CASK: variants seen among roughly 807,000 people sequenced by gnomAD.
The protein encoded by CASK is peripheral plasma membrane protein CASK.
A neutral mutation model predicts 82.9 loss-of-function variants in CASK; 4 were observed. That is an observed-to-expected ratio of 0.05 (90% CI 0.02 to 0.11). The LOEUF (loss-of-function observed/expected upper bound fraction) is 0.11. Ranked by LOEUF, CASK falls within the 10% of genes least tolerant of loss-of-function variation. CASK has a pLI of 1.00. For missense variants in CASK, 358 were observed against 720.9 expected (o/e 0.50, Z 5.76); for synonymous variants, 259 against 253.5 (o/e 1.02, Z -0.20).
At chrX:41,706,687 T>G (rs1191891449) in intron 5 of CASK, among the ~76,000 whole-genome samples, 1 of 111,942 alleles carries the variant, frequency 8.9e-6, no homozygotes, top group East Asian at 2.8e-4. Context: ...AGTCCCACTC[T>G]GTCACCTAGG....
chrX:41,737,115 C>T (rs894614112), intron 5 of CASK, among the ~76,000 whole-genome samples: 1 of 112,047 alleles, frequency 8.9e-6, no homozygotes, highest in Non-Finnish European at 1.9e-5. Flanking sequence ...GGAGGCCTAG[C>T]ACCTTCCATT....
intron 5 of CASK, chrX:41,689,833 T>C (rs1239422014): frequency 8.9e-6 from 1 of 111,803 alleles, no homozygotes; most frequent in African/African-American, 3.2e-5. Flanking sequence ...TATTACCAAA[T>C]AGGTATGTAT....
At chrX:41,867,529 AT>A (rs759409483) in intron 1 of CASK, among the ~76,000 whole-genome samples, 1 of 112,635 alleles carries the variant, frequency 8.9e-6, no homozygotes, top group South Asian at 3.6e-4. Context: ...CATGTTAACT[AT>A]TTTTTAAACA....
intron 2 of CASK, among the ~76,000 whole-genome samples, chrX:41,796,995 C>G (rs896357362): frequency 9.0e-5 from 10 of 111,539 alleles, no homozygotes; most frequent in African/African-American, 3.3e-4. Flanking sequence ...TTCCATACAG[C>G]AAGACATTAT....
intron 1 of CASK, among the ~76,000 whole-genome samples, chrX:41,920,500 A>T (rs1265965979): frequency 4.5e-5 from 5 of 112,063 alleles, no homozygotes; most frequent in Non-Finnish European, 5.6e-5. Context: ...GCATTTTATA[A>T]TTGGCACTGA....
intron 2 of CASK, among the ~76,000 whole-genome samples, chrX:41,840,483 T>G (rs2071013554): frequency 1.8e-5 from 2 of 112,318 alleles, no homozygotes; most frequent in African/African-American, 6.5e-5. Context: ...TTGTTGTTGA[T>G]TCTTTGGGAC....
At chrX:41,867,583 A>G (rs2071616108) in intron 1 of CASK, among the ~76,000 whole-genome samples, 2 of 112,641 alleles carry the variant, frequency 1.8e-5, no homozygotes, top group African/African-American at 6.4e-5. Context: ...TTGATTGCTA[A>G]TTCAAAATCC....
At chrX:41,638,798 T>C (rs2066600447) in intron 8 of CASK, among the ~76,000 whole-genome samples, 1 of 110,843 alleles carries the variant, frequency 9.0e-6, no homozygotes, top group Admixed American at 9.7e-5. Context: ...GCCTTTGGCT[T>C]TTATTCTGAG....
chrX:41,656,448 AT>A (rs1163381422), intron 8 of CASK, among the ~76,000 whole-genome samples: 1 of 112,106 alleles, frequency 8.9e-6, no homozygotes, highest in East Asian at 2.8e-4. Flanking sequence ...AACAGAAGAT[AT>A]TGCACATATT....
At chrX:41,774,690 T>C (rs1399565416) in intron 3 of CASK, among the ~76,000 whole-genome samples, 1 of 110,060 alleles carries the variant, frequency 9.1e-6, no homozygotes, top group Non-Finnish European at 1.9e-5. Context: ...AACAGAGATA[T>C]AGATCAATGG....
chrX:41,585,796 C>CAT (rs1484194387), intron 14 of CASK: 2 of 108,175 alleles, frequency 1.8e-5, no homozygotes, highest in African/African-American at 6.7e-5. Context: ...CATAAAACAG[C>CAT]ATATATATAA....
chrX:41,520,696 T>C, intron 26 of CASK, 100 bp from the exon 27 acceptor site: 1 of 757,617 alleles, frequency 1.3e-6, no homozygotes, highest in Non-Finnish European at 2.0e-6. Context: ...CACATTTTTG[T>C]TCATCCCAGT....
At chrX:41,817,513 A>G (rs1315811092) in intron 2 of CASK, among the ~76,000 whole-genome samples, 3 of 111,850 alleles carry the variant, frequency 2.7e-5, no homozygotes, top group Non-Finnish European at 1.9e-5. Flanking sequence ...AAGCTATTAG[A>G]ACTACAGGTT....
chrX:41,586,652 T>A (rs1381816617), intron 14 of CASK: 2 of 297,985 alleles, frequency 6.7e-6, no homozygotes, highest in East Asian at 1.1e-4. Flanking sequence ...GACTACCCCA[T>A]AAGAAAGAAA....
intron 5 of CASK, among the ~76,000 whole-genome samples, chrX:41,693,528 C>T (rs1342016416): frequency 9.0e-5 from 10 of 110,950 alleles, no homozygotes; most frequent in Non-Finnish European, 1.5e-4. Context: ...GCAGGAGAAT[C>T]GCTTGAAGCC....
intron 2 of CASK, among the ~76,000 whole-genome samples, chrX:41,837,078 T>C (rs1021024395): frequency 8.9e-6 from 1 of 112,380 alleles, no homozygotes; most frequent in Non-Finnish European, 1.9e-5. Flanking sequence ...CTTTTACCTA[T>C]ACTCCTAAAT....
chrX:41,578,619 C>G, intron 14 of CASK, 91 bp from the exon 15 acceptor site: 1 of 673,508 alleles, frequency 1.5e-6, no homozygotes, highest in Non-Finnish European at 2.2e-6. Flanking sequence ...GACAGGGTCT[C>G]ACTCTGTCAC....
intron 5 of CASK, among the ~76,000 whole-genome samples, chrX:41,738,165 G>C (rs1035583495): frequency 1.8e-5 from 2 of 112,317 alleles, no homozygotes; most frequent in Non-Finnish European, 3.8e-5. Flanking sequence ...AGTAGAGATG[G>C]GGTTTCACCA....
chrX:41,904,807 T>C (rs2072442453), intron 1 of CASK, among the ~76,000 whole-genome samples: 1 of 111,828 alleles, frequency 8.9e-6, no homozygotes, highest in East Asian at 2.8e-4. Flanking sequence ...GTGGGCTCAA[T>C]GTTTATCTCT....
Sources: gnomAD v4.1 joint callset for allele counts (sites outside exome capture counted in the v4.1 genomes callset) on GRCh38, gnomAD v4.1.1 for gene constraint, MANE v1.5 for transcripts, NCBI Gene and HGNC (gene_info 2026-07-23, HGNC 2026-07-21) for gene names.